Variants in TRIM44 observed in about 807,000 individuals in gnomAD.
The protein encoded by TRIM44 is tripartite motif-containing protein 44.
TRIM44 carries 13 observed loss-of-function variants against 37.4 expected under a neutral mutation model. The observed-to-expected ratio is 0.35, with a 90% CI of 0.23 to 0.55. The LOEUF is 0.55. TRIM44 is among the 20% of genes least tolerant of loss of function. The pLI is 0.89. For missense variants in TRIM44, 426 were observed against 437.2 expected, an observed-to-expected ratio of 0.97 and a Z score of 0.23; for synonymous variants, 175 against 157.2, an observed-to-expected ratio of 1.11 and a Z score of -0.85.
chr11:35,705,022 A>T (rs1851857244), intron 2 of TRIM44, among the ~76,000 whole-genome samples: 1 of 148,538 alleles, frequency 6.7e-6, no homozygotes, highest in Admixed American at 6.8e-5. Flanking sequence ...AACCCATCTC[A>T]CGTGCAGAGA....
chr11:35,783,076 A>G lies in TRIM44; in HGVS notation c.1008-23282A>G, dbSNP rs138211107. On this transcript the variant is annotated intron_variant, in intron 4 of 4. Coordinates refer to ENST00000299413, the MANE Select transcript of TRIM44 (RefSeq NM_017583.6). ...CTTGTTACACACCAGACTCTATGCTAAGTGCTTTACATATGTTCTCTCATT... is the reference window on the plus strand; with the variant it reads ...CTTGTTACACACCAGACTCTATGCTGAGTGCTTTACATATGTTCTCTCATT... Among the ~76,000 whole-genome samples, 275 of 152,302 alleles carry G rather than the reference A, an allele frequency of 1.8e-3. 13 individuals are homozygous for G. In the East Asian group the frequency reaches 0.031, roughly 17 times the overall value.
chr11:35,667,836 G>A (rs1209383498), intron 1 of TRIM44, among the ~76,000 whole-genome samples: 2 of 152,098 alleles, frequency 1.3e-5, no homozygotes. Context: ...TCATAATGAA[G>A]TAGCCTTATG....
rs149345563 is a variant in TRIM44 at position 35,751,917 on chromosome 11, T to C, written c.1007+16472T>C. On this transcript the variant is annotated intron_variant, in intron 4 of 4. Coordinates refer to ENST00000299413, the MANE Select transcript of TRIM44 (RefSeq NM_017583.6). Reference sequence around the variant, plus strand: ...TTTCCATATTACATAGATGAGGAAATTGAATGAGTATAAGTGACTTGTCCA... The same window carrying C: ...TTTCCATATTACATAGATGAGGAAACTGAATGAGTATAAGTGACTTGTCCA... Among the ~76,000 whole-genome samples, 281 of 152,306 alleles carry C rather than the reference T, an allele frequency of 1.8e-3. 2 individuals are homozygous for C. Among genetic ancestry groups the C allele is most frequent in the African/African-American group, 6.5e-3 (270 of 41,568 alleles).
Position 35,806,348 on chromosome 11 carries a change from T to A in TRIM44, c.1008-10T>A, listed in dbSNP as rs1853448440. On this transcript the variant is annotated splice_polypyrimidine_tract_variant and intron_variant, in intron 4 of 4. Transcript: ENST00000299413. ...ATCTTAACTCACCTGGTTCTCCTTT[T>A]CCTTTGTAGTGGTGCCAGTGAAGAA... is the stretch of plus-strand genomic sequence containing the variant. 1 of 1,613,598 alleles carries A rather than the reference T, an allele frequency of 6.2e-7. No individual in the cohort carries two copies. The highest frequency in any genetic ancestry group is 8.5e-7 in the Non-Finnish European group (1 of 1,179,674).
rs745734640 is a variant in TRIM44, at chr11:35,808,668, A to G, written c.*2283A>G. ...AAGGAAAGCACTTTTGCTTTTACTTAGAAAGCGTTTCAGATTTGCTTTATA... is the reference window on the plus strand; with the variant it reads ...AAGGAAAGCACTTTTGCTTTTACTTGGAAAGCGTTTCAGATTTGCTTTATA... On this transcript the variant is annotated 3_prime_UTR_variant, in exon 5 of 5. Transcript: ENST00000299413. The G allele has an allele frequency of 2.6e-5, 4 of 152,230 alleles. No homozygotes were observed. Among genetic ancestry groups the G allele is most frequent in the Non-Finnish European group, 4.4e-5 (3 of 68,026 alleles). 9.4% of individuals were successfully genotyped at this position (152,230 alleles called of 1,614,324 possible). A position where few individuals can be genotyped will look rare whatever the true frequency, so the allele number is the denominator to read the frequency against.
chr11:35,697,955 T>C (rs1428990366), intron 2 of TRIM44, among the ~76,000 whole-genome samples: 1 of 151,592 alleles, frequency 6.6e-6, no homozygotes, highest in African/African-American at 2.4e-5. Flanking sequence ...TTATAGTCCT[T>C]TGGGTATATA....
At chr11:35,722,735 A>G (rs1852123903) in intron 2 of TRIM44, among the ~76,000 whole-genome samples, 1 of 152,146 alleles carries the variant, frequency 6.6e-6, no homozygotes, top group Non-Finnish European at 1.5e-5. Context: ...TATGACCTGT[A>G]TCTTGTGCCG....
chr11:35,744,832 G>C (rs186646809), intron 4 of TRIM44, among the ~76,000 whole-genome samples: 1 of 152,238 alleles, frequency 6.6e-6, no homozygotes, highest in Non-Finnish European at 1.5e-5. Flanking sequence ...TTGGTTTTCT[G>C]TTCCTATGTT....
chr11:35,772,981 T>G (rs1204978348), intron 4 of TRIM44, among the ~76,000 whole-genome samples: 3 of 152,156 alleles, frequency 2.0e-5, no homozygotes, highest in Non-Finnish European at 4.4e-5. Context: ...CATAATCCCA[T>G]GTGTTGTGGG....
chr11:35,727,283 G>GA (rs1182236999), intron 3 of TRIM44, among the ~76,000 whole-genome samples: 2 of 151,910 alleles, frequency 1.3e-5, no homozygotes, highest in South Asian at 2.1e-4. Flanking sequence ...GGTCCTTCTA[G>GA]AAAAAAAACA....
intron 4 of TRIM44, among the ~76,000 whole-genome samples, chr11:35,773,458 T>C (rs1394920210): frequency 1.3e-5 from 2 of 152,286 alleles, no homozygotes; most frequent in African/African-American, 4.8e-5. Flanking sequence ...ATAGTTTATT[T>C]TGCTGTACAG....
At chr11:35,749,262 T>A (rs920104658) in intron 4 of TRIM44, among the ~76,000 whole-genome samples, 38 of 152,226 alleles carry the variant, frequency 2.5e-4, no homozygotes, top group Non-Finnish European at 5.0e-4. Context: ...GGAAGGTAAG[T>A]GATGTGTAAT....
At chr11:35,756,967 C>CT (rs891837192) in intron 4 of TRIM44, among the ~76,000 whole-genome samples, 1 of 152,074 alleles carries the variant, frequency 6.6e-6, no homozygotes, top group Non-Finnish European at 1.5e-5. Context: ...CTGAAATTCT[C>CT]TTTTTTTGTT....
chr11:35,792,105 ACACACACT>A (rs796356202), intron 4 of TRIM44, among the ~76,000 whole-genome samples: 1,724 of 89,364 alleles, frequency 0.019, 19 homozygotes, highest in East Asian at 0.041. Flanking sequence ...ACACACACAC[ACACACACT>A]CTCTCTCATC....
chr11:35,771,301 A>G (rs1337522040), intron 4 of TRIM44, among the ~76,000 whole-genome samples: 1 of 152,188 alleles, frequency 6.6e-6, no homozygotes, highest in African/African-American at 2.4e-5. Context: ...TCGCAAAAAG[A>G]CTGGTGGCAT....
chr11:35,735,344 G>T, intron 3 of TRIM44, 82 bp from the exon 4 acceptor site: 1 of 1,407,240 alleles, frequency 7.1e-7, no homozygotes, highest in African/African-American at 1.4e-5. Flanking sequence ...CAGGTTGGGA[G>T]AGGGGAGGGA....
At chr11:35,756,154 A>C (rs1397822634) in intron 4 of TRIM44, among the ~76,000 whole-genome samples, 1 of 152,286 alleles carries the variant, frequency 6.6e-6, no homozygotes, top group Admixed American at 6.5e-5. Context: ...ATGTTCTTCC[A>C]TTTGTTTGTA....
intron 4 of TRIM44, among the ~76,000 whole-genome samples, chr11:35,794,478 C>G (rs2133879622): frequency 6.6e-6 from 1 of 152,312 alleles, no homozygotes; most frequent in East Asian, 1.9e-4. Context: ...CTTGCTTCTG[C>G]TTTGTCACTG....
intron 4 of TRIM44, among the ~76,000 whole-genome samples, chr11:35,758,617 T>C (rs1441954773): frequency 6.6e-6 from 1 of 152,252 alleles, no homozygotes; most frequent in Non-Finnish European, 1.5e-5. Flanking sequence ...CGATTTGGCA[T>C]GTTTTTGCAG....
Sources: gnomAD v4.1 joint callset for allele counts (sites outside exome capture counted in the v4.1 genomes callset) on GRCh38, gnomAD v4.1.1 for gene constraint, MANE v1.5 for transcripts, NCBI Gene and HGNC (gene_info 2026-07-23, HGNC 2026-07-21) for gene names.